Variants in SCRN3 observed in about 807,000 individuals in gnomAD.
SCRN3 encodes secernin-3.
SCRN3 carries 39 observed loss-of-function variants against 43.1 expected under a neutral mutation model. The observed-to-expected ratio is 0.91, with a 90% CI of 0.70 to 1.18. The LOEUF (loss-of-function observed/expected upper bound fraction) is 1.18, where lower values mean the gene tolerates loss of function less well. Ranked by LOEUF, SCRN3 falls within the 50% of genes most tolerant of loss-of-function variation. The probability of loss-of-function intolerance (pLI) is 0.00; values close to 1 mark genes in which losing one functional copy is unlikely to be tolerated. For missense variants in SCRN3, 484 were observed against 498.0 expected (o/e 0.97, Z 0.27); for synonymous variants, 147 against 163.1 (o/e 0.90, Z 0.75).
chr2:174,424,139 A>C (rs778793852), intron 6 of SCRN3, among the ~76,000 whole-genome samples: 2 of 152,090 alleles, frequency 1.3e-5, no homozygotes. Flanking sequence ...CCAAGTCCTA[A>C]TCCTCTTCTG....
At position 174,427,940 on chromosome 2, in the gene SCRN3, A is replaced by T; in HGVS notation, c.*45A>T. The T allele has an allele frequency of 7.8e-7, 1 of 1,279,798 alleles. No individual in the cohort carries two copies. Among genetic ancestry groups the T allele is most frequent in the South Asian group, 1.4e-5 (1 of 72,080 alleles). The allele number at this position is 1,279,798 out of a possible 1,614,324, so 79.3% of individuals were successfully genotyped here. A position where few individuals can be genotyped will look rare whatever the true frequency, so the allele number is the denominator to read the frequency against. On this transcript the variant is annotated 3_prime_UTR_variant, in exon 8 of 8. Transcript: ENST00000272732. ...TATTAGTTCTTAGTGATCAGTGGTCAGTAATCTTCAAAGTCAGAATCTATC... is the reference window on the plus strand; with the variant it reads ...TATTAGTTCTTAGTGATCAGTGGTCTGTAATCTTCAAAGTCAGAATCTATC...
At chr2:174,398,495 G>T in intron 2 of SCRN3, 53 bp downstream of exon 2, 2 of 1,472,068 alleles carry the variant, frequency 1.4e-6, no homozygotes, top group Non-Finnish European at 1.8e-6. Context: ...ATATCATAAA[G>T]TTATTTCTAT....
chr2:174,411,413 A>G (rs1321233502), intron 5 of SCRN3, among the ~76,000 whole-genome samples: 1 of 152,208 alleles, frequency 6.6e-6, no homozygotes, highest in East Asian at 1.9e-4. Context: ...TTCTACGACT[A>G]TTATGATAGT....
At chr2:174,426,877 G>C (rs137916292) in intron 7 of SCRN3, among the ~76,000 whole-genome samples, 2 of 152,066 alleles carry the variant, frequency 1.3e-5, no homozygotes, top group African/African-American at 4.8e-5. Flanking sequence ...CTGTCGTCCA[G>C]GCTGGAGTGC....
chr2:174,424,458 AAG>A lies in SCRN3; in HGVS notation c.918-15_918-14del, dbSNP rs1251571085. On this transcript the variant is annotated splice_polypyrimidine_tract_variant and intron_variant, in intron 6 of 7. Coordinates refer to ENST00000272732, the MANE Select transcript of SCRN3 (RefSeq NM_024583.5). The stretch of plus-strand genomic sequence containing the variant: ...TATATATTGACATGATAATTTAATA[AAG>A]ACTCTTTTTTCTAGATCTGTTTTTA... 3.9e-6 allele frequency: 6 copies of A among 1,523,202 alleles called. No homozygotes were observed. Among genetic ancestry groups the A allele is most frequent in the South Asian group, 3.6e-5 (3 of 83,918 alleles). The allele number at this position is 1,523,202 out of a possible 1,614,324, so 94.4% of individuals were successfully genotyped here. A position where few individuals can be genotyped will look rare whatever the true frequency, so the allele number is the denominator to read the frequency against.
At chr2:174,426,408 T>G (rs1242949788) in intron 7 of SCRN3, among the ~76,000 whole-genome samples, 1 of 152,186 alleles carries the variant, frequency 6.6e-6, no homozygotes, top group East Asian at 1.9e-4. Flanking sequence ...GCATACAATT[T>G]CATACTGAAG....
chr2:174,424,777 C>G (rs920750072), intron 7 of SCRN3, 128 bp downstream of exon 7: 1 of 667,264 alleles, frequency 1.5e-6, no homozygotes, highest in Non-Finnish European at 2.5e-6. Context: ...TTTAGATGCT[C>G]AGACTATAGT....
intron 7 of SCRN3, 114 bp from the exon 8 acceptor site, chr2:174,427,599 C>A: frequency 1.9e-6 from 1 of 531,976 alleles, no homozygotes. Flanking sequence ...AGAAGGGAAC[C>A]AAACCACAAT....
At chr2:174,397,748 C>T (rs1386823408) in intron 1 of SCRN3, among the ~76,000 whole-genome samples, 1 of 152,058 alleles carries the variant, frequency 6.6e-6, no homozygotes, top group African/African-American at 2.4e-5. Context: ...TGGAATCTAG[C>T]CTTTACAACA....
intron 2 of SCRN3, among the ~76,000 whole-genome samples, chr2:174,399,360 A>T (rs1685428110): frequency 6.6e-6 from 1 of 152,158 alleles, no homozygotes; most frequent in African/African-American, 2.4e-5. Context: ...GGCATACCTA[A>T]TGGTTGACTT....
chr2:174,401,464 T>C (rs2105564699), intron 4 of SCRN3, among the ~76,000 whole-genome samples: 1 of 152,292 alleles, frequency 6.6e-6, no homozygotes, highest in South Asian at 2.1e-4. Context: ...TTCATAGTAC[T>C]TTTTCACTTT....
At chr2:174,401,238 A>G in intron 4 of SCRN3, 49 bp downstream of exon 4, 1 of 1,399,568 alleles carries the variant, frequency 7.1e-7, no homozygotes, top group Non-Finnish European at 1.0e-6. Flanking sequence ...TTAATAAAAT[A>G]CACCCTTACC....
chr2:174,416,515 G>C (rs1686114378), intron 5 of SCRN3, among the ~76,000 whole-genome samples: 1 of 152,192 alleles, frequency 6.6e-6, no homozygotes, highest in African/African-American at 2.4e-5. Flanking sequence ...ATCCCAGAGG[G>C]ATGATTTGCA....
chr2:174,418,321 C>T (rs376914353), intron 5 of SCRN3, among the ~76,000 whole-genome samples: 1 of 152,248 alleles, frequency 6.6e-6, no homozygotes, highest in African/African-American at 2.4e-5. Context: ...TCTACCAGTA[C>T]GTTATAGTTA....
chr2:174,421,100 CA>C (rs1208501982), intron 5 of SCRN3, among the ~76,000 whole-genome samples: 1 of 152,074 alleles, frequency 6.6e-6, no homozygotes, highest in East Asian at 1.9e-4. Context: ...CTTCAAGGAA[CA>C]AATATAAAGC....
At chr2:174,404,367 A>G in intron 5 of SCRN3, 52 bp downstream of exon 5, 1 of 1,246,390 alleles carries the variant, frequency 8.0e-7, no homozygotes, top group Non-Finnish European at 1.2e-6. Context: ...TTTTGTGTAG[A>G]TGTAATATGG....
Position 174,427,721 on chromosome 2 carries a change from CA to C in SCRN3, c.1105del (p.Ile369Ter). On this transcript the variant is annotated frameshift_variant, in exon 8 of 8. Transcript: ENST00000272732. LOFTEE classifies it high-confidence loss of function. ...TATTTTTAATTGTTTAGGAAAAAGC[CA>C]AAATAATGTTGGACAACATGAGGAA... ...EVVNNNEEKA[K>X]IMLDNMRKLE... 6.3e-7 allele frequency: 1 copy of C among 1,590,386 alleles called. No individual in the cohort carries two copies.
At chr2:174,403,084 G>T (rs1559072401) in intron 4 of SCRN3, among the ~76,000 whole-genome samples, 1 of 140,480 alleles carries the variant, frequency 7.1e-6, no homozygotes, top group Non-Finnish European at 1.6e-5. Flanking sequence ...AAACTCAGTA[G>T]TAAAAAAAAA....
At chr2:174,409,238 C>T (rs1489800228) in intron 5 of SCRN3, among the ~76,000 whole-genome samples, 1 of 132,184 alleles carries the variant, frequency 7.6e-6, no homozygotes, top group East Asian at 2.2e-4. Context: ...CCCTTTCTTC[C>T]AGTTGATCGC....
Sources: allele counts gnomAD v4.1 joint callset (sites outside exome capture counted in the v4.1 genomes callset), GRCh38; gene constraint gnomAD v4.1.1; transcripts MANE v1.5; gene names NCBI Gene and HGNC (gene_info 2026-07-23, HGNC 2026-07-21).